Variants in TRPM3 observed in about 807,000 individuals in gnomAD.
TRPM3 encodes transient receptor potential cation channel subfamily M member 3.
TRPM3 carries 77 observed loss-of-function variants against 181.2 expected under a neutral mutation model. That is an observed-to-expected ratio of 0.42 (90% confidence interval 0.35 to 0.51). The LOEUF (loss-of-function observed/expected upper bound fraction) is 0.51. TRPM3 is among the 20% of genes least tolerant of loss of function. The pLI is 0.01. For missense variants in TRPM3, 1,759 were observed against 2,196.7 expected (o/e 0.80, Z 3.98); for synonymous variants, 745 against 796.4 (o/e 0.94, Z 1.09).
intron 12 of TRPM3, among the ~76,000 whole-genome samples, chr9:70,634,725 T>C (rs1208484410): frequency 6.6e-6 from 1 of 152,074 alleles, no homozygotes; most frequent in Non-Finnish European, 1.5e-5. Flanking sequence ...CTGGAAAAAA[T>C]AGAATGTTAG....
At chr9:71,343,138 G>T (rs1456701904) in intron 1 of TRPM3, among the ~76,000 whole-genome samples, 1 of 151,920 alleles carries the variant, frequency 6.6e-6, no homozygotes, top group Non-Finnish European at 1.5e-5. Flanking sequence ...TTAGGGAATG[G>T]ACCCATACTT....
intron 22 of TRPM3, among the ~76,000 whole-genome samples, chr9:70,576,893 T>C (rs1259323053): frequency 6.6e-6 from 1 of 152,192 alleles, no homozygotes; most frequent in East Asian, 1.9e-4. Context: ...TCCTACCACA[T>C]GGCTTTTTGC....
At chr9:70,800,669 TCTTC>T (rs551479165) in intron 6 of TRPM3, among the ~76,000 whole-genome samples, 33 of 152,354 alleles carry the variant, frequency 2.2e-4, no homozygotes, top group South Asian at 1.7e-3. Context: ...TTTCTTTTCC[TCTTC>T]CTTATTATTT....
At position 71,166,323 on chromosome 9, in the gene TRPM3, CCAGAAGGAAA is replaced by C. The variant is rs2134749446; in HGVS notation, c.183+280320_183+280329del. Among the ~76,000 whole-genome samples, 3 of 152,208 alleles carry C rather than the reference CCAGAAGGAAA, an allele frequency of 2.0e-5. No homozygotes were observed. In the East Asian group the frequency reaches 5.8e-4, roughly 29 times the overall value. ...TCTCTCAGCAGAGCATGAGGTGGAACCAGAAGGAAACGAGCAGCCCAGTTATCTAGCAGGC... is the reference window on the plus strand; with the variant it reads ...TCTCTCAGCAGAGCATGAGGTGGAACCGAGCAGCCCAGTTATCTAGCAGGC... On this transcript the variant is annotated intron_variant, in intron 1 of 24. Coordinates refer to the TRPM3 transcript ENST00000357533.
intron 1 of TRPM3, among the ~76,000 whole-genome samples, chr9:70,999,862 C>T (rs557108700): frequency 2.6e-5 from 4 of 152,182 alleles, no homozygotes; most frequent in Non-Finnish European, 5.9e-5. Context: ...GCATCTGAAA[C>T]AATCCACAGT....
chr9:70,934,759 T>C (rs2096809422), intron 1 of TRPM3, among the ~76,000 whole-genome samples: 1 of 152,224 alleles, frequency 6.6e-6, no homozygotes, highest in Admixed American at 6.5e-5. Flanking sequence ...CTGTTGTCCA[T>C]GTGTTTTCAC....
At chr9:71,070,022 T>C (rs565071445) in intron 1 of TRPM3, among the ~76,000 whole-genome samples, 1 of 152,360 alleles carries the variant, frequency 6.6e-6, no homozygotes, top group South Asian at 2.1e-4. Flanking sequence ...TGCCAAGTTA[T>C]CATTCTGCTT....
At chr9:70,959,934 C>G (rs1323877896) in intron 1 of TRPM3, among the ~76,000 whole-genome samples, 2 of 152,096 alleles carry the variant, frequency 1.3e-5, no homozygotes, top group African/African-American at 4.8e-5. Context: ...ATTGCTTTAG[C>G]CTAGATAAGT....
At chr9:70,868,933 A>G in intron 1 of TRPM3, 2 of 947,228 alleles carry the variant, frequency 2.1e-6, no homozygotes, top group Non-Finnish European at 2.5e-6. Flanking sequence ...CTAGGTCCCC[A>G]GATCCAATAT....
chr9:70,952,715 T>C (rs752628629), intron 1 of TRPM3, among the ~76,000 whole-genome samples: 13 of 151,942 alleles, frequency 8.6e-5, no homozygotes, highest in African/African-American at 1.2e-4. Flanking sequence ...AAAATGAGAG[T>C]TCATTGAGGC....
chr9:70,918,477 G>C (rs1474757773), intron 1 of TRPM3, among the ~76,000 whole-genome samples: 1 of 152,028 alleles, frequency 6.6e-6, no homozygotes, highest in Non-Finnish European at 1.5e-5. Context: ...AGGAATTTTG[G>C]GATCTATACA....
At chr9:71,333,669 C>A (rs1431105676) in intron 1 of TRPM3, among the ~76,000 whole-genome samples, 1 of 151,902 alleles carries the variant, frequency 6.6e-6, no homozygotes, top group Non-Finnish European at 1.5e-5. Flanking sequence ...GTGATGACTT[C>A]AACCCTACAA....
chr9:70,646,530 G>C (rs999096440), intron 9 of TRPM3, among the ~76,000 whole-genome samples: 3 of 152,104 alleles, frequency 2.0e-5, no homozygotes, highest in African/African-American at 7.2e-5. Context: ...AGAACACATG[G>C]GCACAGGGAG....
intron 1 of TRPM3, among the ~76,000 whole-genome samples, chr9:71,239,948 A>C (rs901961098): frequency 6.6e-6 from 1 of 152,112 alleles, no homozygotes; most frequent in African/African-American, 2.4e-5. Flanking sequence ...CTTTGTTGAA[A>C]AAAAGGAATT....
intron 1 of TRPM3, among the ~76,000 whole-genome samples, chr9:71,219,123 G>A (rs2080081543): frequency 6.6e-6 from 1 of 152,034 alleles, no homozygotes; most frequent in South Asian, 2.1e-4. Flanking sequence ...AGAAAAGGCT[G>A]CATTTCCATT....
intron 22 of TRPM3, among the ~76,000 whole-genome samples, chr9:70,554,799 T>C (rs908444213): frequency 6.6e-6 from 1 of 152,202 alleles, no homozygotes; most frequent in Non-Finnish European, 1.5e-5. Context: ...ACCTGGTTTT[T>C]ATGGCTAAGA....
chr9:71,031,217 T>C (rs758257843), intron 1 of TRPM3, among the ~76,000 whole-genome samples: 1 of 152,214 alleles, frequency 6.6e-6, no homozygotes, highest in African/African-American at 2.4e-5. Flanking sequence ...CTCACACATA[T>C]ACATTGAATG....
chr9:70,773,774 C>A (rs1301855047), intron 7 of TRPM3, among the ~76,000 whole-genome samples: 1 of 152,172 alleles, frequency 6.6e-6, no homozygotes, highest in Non-Finnish European at 1.5e-5. Context: ...TGATGGATAA[C>A]TTAAACACTG....
intron 8 of TRPM3, among the ~76,000 whole-genome samples, chr9:70,685,572 A>C (rs896761047): frequency 6.6e-6 from 1 of 152,036 alleles, no homozygotes; most frequent in East Asian, 1.9e-4. Flanking sequence ...CTCTCTGATA[A>C]ATTTTTAACT....
Sources: gnomAD v4.1 joint callset for allele counts (sites outside exome capture counted in the v4.1 genomes callset) on GRCh38, gnomAD v4.1.1 for gene constraint, MANE v1.5 for transcripts, NCBI Gene and HGNC (gene_info 2026-07-23, HGNC 2026-07-21) for gene names.